Variants in GRIN2B observed in about 807,000 individuals in gnomAD.
GRIN2B encodes the protein glutamate ionotropic receptor NMDA type subunit 2B, also known as glutamate receptor ionotropic, NMDA 2B.
A neutral mutation model predicts 114.5 loss-of-function variants in GRIN2B; 5 were observed. The observed-to-expected ratio is 0.04, with a 90% CI of 0.02 to 0.09. The LOEUF (loss-of-function observed/expected upper bound fraction) is 0.09, where lower values mean the gene tolerates loss of function less well. Among genes scored for constraint, GRIN2B ranks in the 10% least tolerant of loss-of-function variants. The pLI, the probability that GRIN2B is intolerant of heterozygous loss-of-function variation, is 1.00. For missense variants in GRIN2B, 1,108 were observed against 1,943.5 expected, an observed-to-expected ratio of 0.57 and a Z score of 8.08; for synonymous variants, 787 against 745.1, an observed-to-expected ratio of 1.06 and a Z score of -0.92.
chr12:13,578,700 T>TG (rs1948808013), intron 10 of GRIN2B, among the ~76,000 whole-genome samples: 1 of 152,128 alleles, frequency 6.6e-6, no homozygotes, highest in African/African-American at 2.4e-5. Context: ...TAGCAATAGG[T>TG]GACGGAAACA....
intron 2 of GRIN2B, among the ~76,000 whole-genome samples, chr12:13,882,957 G>A (rs1273079599): frequency 6.6e-6 from 1 of 152,118 alleles, no homozygotes. Context: ...TCACTGATGT[G>A]ATTTCTATAA....
At chr12:13,920,417 A>G (rs1005607922) in intron 2 of GRIN2B, among the ~76,000 whole-genome samples, 12 of 152,204 alleles carry the variant, frequency 7.9e-5, no homozygotes, top group African/African-American at 2.9e-4. Flanking sequence ...GGAAGTAGGG[A>G]AAAGATGGGA....
At chr12:13,629,421 G>GC (rs1949599276) in intron 5 of GRIN2B, among the ~76,000 whole-genome samples, 1 of 152,068 alleles carries the variant, frequency 6.6e-6, no homozygotes, top group African/African-American at 2.4e-5. Flanking sequence ...CTGGATTTCT[G>GC]CATTACTCCT....
Position 13,820,137 on chromosome 12 carries a change from A to G in GRIN2B, c.411+45661T>C, listed in dbSNP as rs961781863. ...AAGAAATGCCAAAGAGGAAACAAAC[A>G]CAGCCATGCTGACCCTATTCTTGCT... On this transcript the variant is annotated intron_variant, in intron 3 of 13. Coordinates refer to ENST00000609686, the MANE Select transcript of GRIN2B (RefSeq NM_000834.5). 8.5e-5 allele frequency among the ~76,000 whole-genome samples: 13 copies of G among 152,284 alleles called. No homozygotes were observed. The East Asian group carries it at 2.5e-3, about 29-fold the overall frequency.
intron 4 of GRIN2B, among the ~76,000 whole-genome samples, chr12:13,702,741 C>T (rs1210268633): frequency 1.3e-5 from 2 of 152,184 alleles, no homozygotes; most frequent in Non-Finnish European, 2.9e-5. Context: ...GGCTCTCATG[C>T]AAACAGGAGA....
chr12:13,624,321 CT>C (rs1315169061), intron 5 of GRIN2B, among the ~76,000 whole-genome samples: 3 of 152,194 alleles, frequency 2.0e-5, no homozygotes, highest in Admixed American at 6.5e-5. Context: ...AAAGCCTCCA[CT>C]AGATCTCCCT....
chr12:13,725,471 ATGGTCCCTG>A (rs1862966868), intron 4 of GRIN2B, among the ~76,000 whole-genome samples: 1 of 152,086 alleles, frequency 6.6e-6, no homozygotes, highest in East Asian at 1.9e-4. Context: ...GCTAAGGCAT[ATGGTCCCTG>A]TTTTAAACAA....
At chr12:13,669,660 A>G (rs1248254104) in intron 5 of GRIN2B, among the ~76,000 whole-genome samples, 1 of 152,178 alleles carries the variant, frequency 6.6e-6, no homozygotes. Context: ...TGGCCTGCTC[A>G]GTGATGTCTC....
chr12:13,911,137 C>G (rs1866621304), intron 2 of GRIN2B, among the ~76,000 whole-genome samples: 1 of 151,874 alleles, frequency 6.6e-6, no homozygotes, highest in South Asian at 2.1e-4. Flanking sequence ...TAGACATGAA[C>G]TCCTTTGGAA....
intron 2 of GRIN2B, among the ~76,000 whole-genome samples, chr12:13,873,447 C>T (rs1381462217): frequency 6.6e-6 from 1 of 152,230 alleles, no homozygotes; most frequent in African/African-American, 2.4e-5. Flanking sequence ...CACTTAGTGT[C>T]TGCTAAACTA....
chr12:13,572,736 T>A (rs1448001960), intron 10 of GRIN2B, among the ~76,000 whole-genome samples: 1 of 152,232 alleles, frequency 6.6e-6, no homozygotes, highest in Non-Finnish European at 1.5e-5. Context: ...TTCATTTGTA[T>A]CTTCACAGCC....
At position 13,795,938 on chromosome 12, in the gene GRIN2B, G is replaced by A. The variant is rs975620767; in HGVS notation, c.412-42023C>T. Among the ~76,000 whole-genome samples the A allele has an allele frequency of 6.6e-5, 10 of 152,058 alleles. No homozygotes were observed. The South Asian group carries it at 8.3e-4, about 13-fold the overall frequency. On this transcript the variant is annotated intron_variant, in intron 3 of 13. Coordinates refer to ENST00000609686, the MANE Select transcript of GRIN2B (RefSeq NM_000834.5). ...CACACACCAGGGCCTGTCGTGGGGT[G>A]AGGGGATGGGGGAGGGATAACATTA...
intron 4 of GRIN2B, among the ~76,000 whole-genome samples, chr12:13,690,667 C>T (rs1333436772): frequency 5.3e-5 from 8 of 152,014 alleles, no homozygotes; most frequent in Non-Finnish European, 8.8e-5. Flanking sequence ...TGGTATTGTG[C>T]CCTTGGAGAG....
Position 13,916,735 on chromosome 12 carries a change from A to ACAAATG in GRIN2B, c.-18-50510_-18-50509insCATTTG, listed in dbSNP as rs59238170. ...TATACACACACACACACACACACAC[A>ACAAATG]TTTGTGTGTGTGTGTGTGTGTGTGT... On this transcript the variant is annotated intron_variant, in intron 2 of 13. Transcript: ENST00000609686. 3.9e-5 allele frequency among the ~76,000 whole-genome samples: 4 copies of ACAAATG among 101,926 alleles called. No individual in the cohort carries two copies. In the South Asian group the frequency reaches 9.0e-4, roughly 23 times the overall value. The allele number at this position is 101,926 out of a possible 152,430, so 66.9% of individuals were successfully genotyped here. A position where few individuals can be genotyped will look rare whatever the true frequency, so the allele number is the denominator to read the frequency against.
chr12:13,675,698 A>T, intron 5 of GRIN2B, 47 bp downstream of exon 5: 1 of 1,187,602 alleles, frequency 8.4e-7, no homozygotes, highest in South Asian at 1.2e-5. Context: ...GCAAAATTTC[A>T]CATTTCTACT....
At chr12:13,959,152 G>A (rs559347818) in intron 2 of GRIN2B, among the ~76,000 whole-genome samples, 11 of 152,176 alleles carry the variant, frequency 7.2e-5, no homozygotes, top group Non-Finnish European at 1.3e-4. Flanking sequence ...AAGTTTCTTA[G>A]GGGAGTTCAA....
chr12:13,785,945 A>T (rs1432734074), intron 3 of GRIN2B, among the ~76,000 whole-genome samples: 3 of 152,172 alleles, frequency 2.0e-5, no homozygotes, highest in Admixed American at 2.0e-4. Context: ...TTCCATATTT[A>T]TGGAAATAAA....
chr12:13,794,876 G>A (rs1239532290), intron 3 of GRIN2B, among the ~76,000 whole-genome samples: 3 of 152,200 alleles, frequency 2.0e-5, no homozygotes, highest in Admixed American at 6.5e-5. Flanking sequence ...CCTGGGCATC[G>A]AAGCCAGACT....
chr12:13,656,520 G>T (rs1472132729), intron 5 of GRIN2B, among the ~76,000 whole-genome samples: 1 of 152,164 alleles, frequency 6.6e-6, no homozygotes, highest in Non-Finnish European at 1.5e-5. Flanking sequence ...TTCTCTGATC[G>T]CTGGTCGCAA....
Sources: allele counts gnomAD v4.1 joint callset (sites outside exome capture counted in the v4.1 genomes callset), GRCh38; gene constraint gnomAD v4.1.1; transcripts MANE v1.5; gene names NCBI Gene and HGNC (gene_info 2026-07-23, HGNC 2026-07-21).